Variants in ZNF236 observed in about 807,000 individuals in gnomAD.
ZNF236 encodes regulated by glucose.
A neutral mutation model predicts 191.2 loss-of-function variants in ZNF236; 50 were observed. The observed-to-expected ratio is 0.26, with a 90% CI of 0.21 to 0.33. ZNF236 has a LOEUF of 0.33. ZNF236 is among the 10% of genes least tolerant of loss of function. ZNF236 has a pLI of 1.00. For missense variants in ZNF236, 1,754 were observed against 2,374.5 expected, an observed-to-expected ratio of 0.74 and a Z score of 5.43; for synonymous variants, 907 against 928.8, an observed-to-expected ratio of 0.98 and a Z score of 0.43.
In ZNF236 at chr18:76,839,765, G is replaced by A. The variant is rs143290803; in HGVS notation, c.56-9761G>A. Among the ~76,000 whole-genome samples, 46 of 152,172 alleles carry A rather than the reference G, an allele frequency of 3.0e-4. No individual in the cohort carries two copies. The East Asian group carries it at 7.9e-3, about 26-fold the overall frequency. ...TGGGCTCTCCACAGTTCTCTGTGGCGCTCTTTAGCTCTATTTATCTAAAAG... is the reference window on the plus strand; with the variant it reads ...TGGGCTCTCCACAGTTCTCTGTGGCACTCTTTAGCTCTATTTATCTAAAAG... On this transcript the variant is annotated intron_variant, in intron 1 of 30. Transcript: ENST00000320610.
At chr18:76,852,648 A>C (rs1975912487) in intron 3 of ZNF236, among the ~76,000 whole-genome samples, 1 of 152,138 alleles carries the variant, frequency 6.6e-6, no homozygotes, top group Non-Finnish European at 1.5e-5. Context: ...AAAAAAAAAA[A>C]AGAAAAAGAA....
In ZNF236 at chr18:76,960,850, A is replaced by T. The variant is rs989657670; in HGVS notation, c.5414A>T (p.Tyr1805Phe). 1 of 1,611,028 alleles carries T rather than the reference A, an allele frequency of 6.2e-7. No individual in the cohort carries two copies. Among genetic ancestry groups the T allele is most frequent in the East Asian group, 2.2e-5 (1 of 44,784 alleles). Residue 1805 changes from tyrosine to phenylalanine, a missense_variant, in exon 30 of 31, where the codon TAT (tyrosine) becomes TTT (phenylalanine). By Grantham distance (22) the Tyr-to-Phe change is conservative. Around this residue, in one of 5 missense-constraint regions of ZNF236, gnomAD observed 606 missense variants for 761.5 expected, o/e 0.80. Coordinates refer to ENST00000320610, the MANE Select transcript of ZNF236 (RefSeq NM_001306089.2). This position sits in a 1 kb window ranked among gnomAD's most constrained non-coding sequence, Gnocchi z 4.4. ...MKLHMKRAHSYAGALQESAGH... is the reference protein window; with the variant it reads ...MKLHMKRAHSFAGALQESAGH... ...CTGCACATGAAGCGGGCGCACAGCTATGCTGGTGAGAATGCTGCACCCGGG... is the reference window on the plus strand; with the variant it reads ...CTGCACATGAAGCGGGCGCACAGCTTTGCTGGTGAGAATGCTGCACCCGGG...
At chr18:76,876,903 A>G (rs748215243) in intron 6 of ZNF236, among the ~76,000 whole-genome samples, 2 of 152,212 alleles carry the variant, frequency 1.3e-5, no homozygotes, top group African/African-American at 4.8e-5. Flanking sequence ...ACCTGTTGCC[A>G]CTGAGAAGTG....
At chr18:76,843,847 C>CAGCACAGG (rs1975593959) in intron 1 of ZNF236, among the ~76,000 whole-genome samples, 5 of 144,790 alleles carry the variant, frequency 3.5e-5, no homozygotes, top group Admixed American at 2.8e-4. Context: ...CCTGTAATCC[C>CAGCACAGG]AGCACAGGGA....
chr18:76,893,263 C>G (rs1977302353), intron 9 of ZNF236, among the ~76,000 whole-genome samples: 1 of 152,074 alleles, frequency 6.6e-6, no homozygotes, highest in African/African-American at 2.4e-5. Flanking sequence ...CATGATAAAG[C>G]CTTTAGGTAA....
chr18:76,826,962 T>A (rs756318268), intron 1 of ZNF236, among the ~76,000 whole-genome samples: 13 of 152,172 alleles, frequency 8.5e-5, no homozygotes, highest in Non-Finnish European at 1.6e-4. Flanking sequence ...AATGGCACGA[T>A]CTTGGCTCAC....
intron 29 of ZNF236, 58 bp downstream of exon 29, chr18:76,959,874 A>G (rs763027020): frequency 4.4e-5 from 69 of 1,563,938 alleles, no homozygotes; most frequent in Non-Finnish European, 5.8e-5. Context: ...ATCATGGGTG[A>G]GAAAACATAA....
intron 26 of ZNF236, among the ~76,000 whole-genome samples, chr18:76,941,735 T>C (rs1968137942): frequency 6.6e-6 from 1 of 152,204 alleles, no homozygotes; most frequent in African/African-American, 2.4e-5. Flanking sequence ...GTATATTCTT[T>C]TCTGTACTTT....
intron 1 of ZNF236, among the ~76,000 whole-genome samples, chr18:76,826,192 A>G (rs1599304103): frequency 6.6e-6 from 1 of 150,898 alleles, no homozygotes; most frequent in Admixed American, 6.6e-5. Flanking sequence ...TCTCACTGCA[A>G]CCTCCGCCTC....
At chr18:76,873,525 G>A (rs1976634016) in intron 5 of ZNF236, among the ~76,000 whole-genome samples, 1 of 152,218 alleles carries the variant, frequency 6.6e-6, no homozygotes, top group Non-Finnish European at 1.5e-5. Flanking sequence ...GCGGGCCCGG[G>A]TGGAGGTGGC....
At chr18:76,967,849 GA>G (rs1233315320) in intron 30 of ZNF236, among the ~76,000 whole-genome samples, 2 of 152,028 alleles carry the variant, frequency 1.3e-5, no homozygotes, top group Non-Finnish European at 2.9e-5. Flanking sequence ...AGTTTTTGAG[GA>G]AGGAAAAAGG....
At chr18:76,923,561 T>C (rs1967596834) in intron 21 of ZNF236, among the ~76,000 whole-genome samples, 1 of 152,230 alleles carries the variant, frequency 6.6e-6, no homozygotes, top group African/African-American at 2.4e-5. Flanking sequence ...TATTTTTATA[T>C]GGGGAGAAAC....
intron 3 of ZNF236, among the ~76,000 whole-genome samples, chr18:76,852,939 C>G (rs776895663): frequency 4.6e-5 from 7 of 152,186 alleles, no homozygotes; most frequent in African/African-American, 4.8e-5. Context: ...AGGCAATGAA[C>G]TGCAACTCCC....
Position 76,969,168 on chromosome 18 carries a change from C to G in ZNF236, c.*829C>G, listed in dbSNP as rs2122993714. 1 of 172,102 alleles carries G rather than the reference C, an allele frequency of 5.8e-6. No homozygotes were observed. Among genetic ancestry groups the G allele is most frequent in the Non-Finnish European group, 1.2e-5 (1 of 85,772 alleles). The allele number at this position is 172,102 out of a possible 1,614,324, so 10.7% of individuals were successfully genotyped here. ...GCAAGCAACGGTGGCCCTGTCCACC[C>G]CAGCAAATAAGAAGCATATCTGTAG... On this transcript the variant is annotated 3_prime_UTR_variant, in exon 31 of 31. Coordinates refer to ENST00000320610, the MANE Select transcript of ZNF236 (RefSeq NM_001306089.2).
At chr18:76,904,791 A>G (rs1977694248) in intron 12 of ZNF236, among the ~76,000 whole-genome samples, 1 of 152,228 alleles carries the variant, frequency 6.6e-6, no homozygotes, top group Non-Finnish European at 1.5e-5. Context: ...AGTTTATTTT[A>G]TTAGACTTCC....
intron 25 of ZNF236, among the ~76,000 whole-genome samples, chr18:76,930,761 A>G (rs1967824204): frequency 6.6e-6 from 1 of 152,170 alleles, no homozygotes; most frequent in South Asian, 2.1e-4. Context: ...CTGGCAGTGC[A>G]CTATATTTGG....
chr18:76,918,255 G>A (rs1967429416), intron 19 of ZNF236, among the ~76,000 whole-genome samples: 1 of 151,942 alleles, frequency 6.6e-6, no homozygotes, highest in African/African-American at 2.4e-5. Flanking sequence ...TTCTCTCTCA[G>A]TATCAGCTGA....
chr18:76,953,934 C>G (rs955485729), intron 27 of ZNF236, among the ~76,000 whole-genome samples: 3 of 152,196 alleles, frequency 2.0e-5, no homozygotes, highest in African/African-American at 7.2e-5. Context: ...GGTGGACATA[C>G]ACGCTCCTAC....
intron 9 of ZNF236, among the ~76,000 whole-genome samples, chr18:76,883,119 G>A (rs533582636): frequency 1.6e-4 from 24 of 152,170 alleles, no homozygotes; most frequent in Middle Eastern, 3.4e-3. Context: ...ACCCGCATGT[G>A]CTGGTGAAGC....
Sources: allele counts gnomAD v4.1 joint callset (sites outside exome capture counted in the v4.1 genomes callset), GRCh38; gene constraint gnomAD v4.1.1; regional missense constraint gnomAD v4.1.1; non-coding constraint Gnocchi (gnomAD v3.1); transcripts MANE v1.5; gene names NCBI Gene and HGNC (gene_info 2026-07-23, HGNC 2026-07-21).